FAT3: variants seen among roughly 807,000 people sequenced by gnomAD.
FAT3 encodes FAT atypical cadherin 3.
FAT3 carries 95 observed loss-of-function variants against 310.2 expected under a neutral mutation model. The observed-to-expected ratio is 0.31, with a 90% CI of 0.26 to 0.36. The LOEUF is 0.36. Among genes scored for constraint, FAT3 ranks in the 10% least tolerant of loss-of-function variants. The probability of loss-of-function intolerance (pLI) is 1.00; values close to 1 mark genes in which losing one functional copy is unlikely to be tolerated. For missense variants in FAT3, 5,408 were observed against 5,715.6 expected (o/e 0.95, Z 1.74); for synonymous variants, 2,314 against 2,192.9 (o/e 1.06, Z -1.54).
At chr11:92,389,906 T>A (rs1418431003) in intron 2 of FAT3, among the ~76,000 whole-genome samples, 4 of 152,150 alleles carry the variant, frequency 2.6e-5, no homozygotes, top group Admixed American at 6.6e-5. Context: ...CTCTGTCTAA[T>A]CAACCAGTGT....
intron 3 of FAT3, among the ~76,000 whole-genome samples, chr11:92,545,823 T>C (rs1158697569): frequency 6.6e-6 from 1 of 152,224 alleles, no homozygotes; most frequent in Non-Finnish European, 1.5e-5. Flanking sequence ...ATGGGTGTTT[T>C]ATGCTATACA....
intron 3 of FAT3, among the ~76,000 whole-genome samples, chr11:92,620,368 G>C (rs1273425254): frequency 2.0e-5 from 3 of 152,150 alleles, no homozygotes; most frequent in Admixed American, 2.0e-4. Context: ...CTTTGGTCTA[G>C]TTGGCTTAGA....
At chr11:92,308,365 CT>C (rs1565215820) in intron 1 of FAT3, among the ~76,000 whole-genome samples, 1 of 151,936 alleles carries the variant, frequency 6.6e-6, no homozygotes, top group Non-Finnish European at 1.5e-5. Flanking sequence ...AGAATGGTTT[CT>C]TTTTTTAATT....
intron 1 of FAT3, among the ~76,000 whole-genome samples, chr11:92,323,310 G>T (rs371907540): frequency 1.3e-5 from 2 of 152,034 alleles, no homozygotes; most frequent in African/African-American, 4.8e-5. Context: ...GTGCAATGGC[G>T]TGATCATGGC....
chr11:92,628,490 T>G (rs1444086150), intron 3 of FAT3, among the ~76,000 whole-genome samples: 2 of 151,440 alleles, frequency 1.3e-5, no homozygotes, highest in Non-Finnish European at 2.9e-5. Context: ...AAAAATGCTC[T>G]GCCCTCCTCT....
At chr11:92,712,498 A>G (rs952473124) in intron 4 of FAT3, among the ~76,000 whole-genome samples, 2 of 152,220 alleles carry the variant, frequency 1.3e-5, no homozygotes, top group Non-Finnish European at 2.9e-5. Context: ...TTGTGAAACC[A>G]TAGATTACAA....
chr11:92,345,805 G>A (rs1212621980), intron 1 of FAT3, among the ~76,000 whole-genome samples: 6 of 152,046 alleles, frequency 3.9e-5, no homozygotes, highest in African/African-American at 1.4e-4. Flanking sequence ...TTTCTAATAG[G>A]CAAGCTGTGT....
At chr11:92,832,677 T>C (rs1397629705) in intron 14 of FAT3, among the ~76,000 whole-genome samples, 1 of 152,164 alleles carries the variant, frequency 6.6e-6, no homozygotes, top group Admixed American at 6.5e-5. Context: ...GTTTGTTTGA[T>C]TTTCTCTCTT....
In FAT3 at chr11:92,800,663, G is replaced by A; in HGVS notation, c.7650G>A (p.Gly2550=). 1 of 1,613,774 alleles carries A rather than the reference G, an allele frequency of 6.2e-7. No homozygotes were observed. Among genetic ancestry groups the A allele is most frequent in the South Asian group, 1.1e-5 (1 of 91,028 alleles). The change falls in exon 10 of 28, where the codon GGG becomes GGA. Residue 2550 remains glycine, a synonymous_variant. Coordinates refer to ENST00000525166, the MANE Select transcript of FAT3 (RefSeq NM_001367949.2). ...AKDRFLIDSN[G]QVITTERLDR... ...ATCGATTCCTCATAGACAGCAATGGGCAGGTCATCACCACAGAAAGGCTAG... is the reference window on the plus strand; with the variant it reads ...ATCGATTCCTCATAGACAGCAATGGACAGGTCATCACCACAGAAAGGCTAG...
At chr11:92,721,069 T>C (rs1314673443) in intron 4 of FAT3, among the ~76,000 whole-genome samples, 1 of 152,194 alleles carries the variant, frequency 6.6e-6, no homozygotes, top group East Asian at 1.9e-4. Context: ...CCATCAGATA[T>C]TCTTCTTGAT....
rs1254753126 is a variant in FAT3, at chr11:92,557,901, G to A, written c.3607+32953G>A. Among the ~76,000 whole-genome samples the A allele has an allele frequency of 1.3e-5, 2 of 152,206 alleles. 1 individual carries two copies. The highest frequency in any genetic ancestry group is 1.3e-4 in the Admixed American group (2 of 15,288). ...TGAGGGCTAACTTATTTGGAGTGAA[G>A]ATTCACCAGGATTGCCTTTGACAAA... On this transcript the variant is annotated intron_variant, in intron 3 of 27. Transcript: ENST00000525166.
At chr11:92,420,666 C>G (rs1950516925) in intron 2 of FAT3, among the ~76,000 whole-genome samples, 1 of 152,132 alleles carries the variant, frequency 6.6e-6, no homozygotes. Flanking sequence ...GATTCCAGGA[C>G]TATGGCATCT....
intron 3 of FAT3, among the ~76,000 whole-genome samples, chr11:92,623,740 G>A (rs502245): frequency 0.15 from 22,055 of 152,032 alleles, 1,737 homozygotes; most frequent in African/African-American, 0.18. Context: ...TCAGGAGATC[G>A]AGACCATCCT....
chr11:92,430,826 C>T (rs1386686740), intron 2 of FAT3, among the ~76,000 whole-genome samples: 1 of 152,128 alleles, frequency 6.6e-6, no homozygotes, highest in African/African-American at 2.4e-5. Context: ...CATGTCCCTA[C>T]AAGGGACATG....
At chr11:92,394,220 G>A (rs1321709570) in intron 2 of FAT3, among the ~76,000 whole-genome samples, 3 of 152,178 alleles carry the variant, frequency 2.0e-5, no homozygotes, top group Non-Finnish European at 4.4e-5. Flanking sequence ...TGTAATCTCA[G>A]TACTTTGGGA....
chr11:92,443,765 T>A (rs12420877), intron 2 of FAT3, among the ~76,000 whole-genome samples: 2 of 151,844 alleles, frequency 1.3e-5, no homozygotes, highest in Non-Finnish European at 2.9e-5. Flanking sequence ...ATGAAAATAA[T>A]AAGAAGCATG....
intron 11 of FAT3, among the ~76,000 whole-genome samples, chr11:92,806,056 G>A (rs1947498975): frequency 6.6e-6 from 1 of 152,176 alleles, no homozygotes; most frequent in East Asian, 1.9e-4. Context: ...TGTGTGGTGT[G>A]TGTTATGGTT....
rs563298354 is a variant in FAT3, at chr11:92,280,987, A to T, written c.-18+55813A>T. Among the ~76,000 whole-genome samples, 6 of 152,348 alleles carry T rather than the reference A, an allele frequency of 3.9e-5. 1 individual carries two copies. The highest frequency in any genetic ancestry group is 1.4e-4 in the African/African-American group (6 of 41,592). On this transcript the variant is annotated intron_variant, in intron 1 of 27. Coordinates refer to ENST00000525166, the MANE Select transcript of FAT3 (RefSeq NM_001367949.2). ...CTCTAAGAATCTGTTTTAGTGAAATATATATTTATTGCAAATATGTTTATT... is the reference window on the plus strand; with the variant it reads ...CTCTAAGAATCTGTTTTAGTGAAATTTATATTTATTGCAAATATGTTTATT...
Position 92,307,710 on chromosome 11 carries a change from T to G in FAT3, c.-17-44386T>G, listed in dbSNP as rs193191190. ...ATTTTGCATATGTAGAAATCTGTGT[T>G]AAATAAAATACAGGATCAAGCCAAG... is the stretch of plus-strand genomic sequence containing the variant. On this transcript the variant is annotated intron_variant, in intron 1 of 27. Transcript: ENST00000525166. Among the ~76,000 whole-genome samples, 3 of 152,290 alleles carry G rather than the reference T, an allele frequency of 2.0e-5. No individual in the cohort carries two copies. In the East Asian group the frequency reaches 5.8e-4, roughly 29 times the overall value.
Sources: allele counts gnomAD v4.1 joint callset (sites outside exome capture counted in the v4.1 genomes callset), GRCh38; gene constraint gnomAD v4.1.1; transcripts MANE v1.5; gene names NCBI Gene and HGNC (gene_info 2026-07-23, HGNC 2026-07-21).